HS3ST5: variants seen among roughly 807,000 people sequenced by gnomAD.
HS3ST5 encodes heparan sulfate-glucosamine 3-sulfotransferase 5, also known as heparan sulfate glucosamine 3-O-sulfotransferase 5.
In HS3ST5, 10 loss-of-function variants were observed where a neutral mutation model predicts 25.4. The observed-to-expected ratio is 0.39, with a 90% CI of 0.24 to 0.67. The LOEUF (loss-of-function observed/expected upper bound fraction) is 0.67, where lower values mean the gene tolerates loss of function less well. Ranked by LOEUF, HS3ST5 falls within the 30% of genes least tolerant of loss-of-function variation. HS3ST5 has a pLI of 0.44. For synonymous variants in HS3ST5, 170 were observed against 162.4 expected (o/e 1.05, Z -0.36); for missense variants, 324 against 420.7 (o/e 0.77, Z 2.01).
At chr6:114,242,915 G>A (rs1015342164) in intron 1 of HS3ST5, among the ~76,000 whole-genome samples, 2 of 151,834 alleles carry the variant, frequency 1.3e-5, no homozygotes, top group Non-Finnish European at 2.9e-5. Flanking sequence ...CTTTTCTTTG[G>A]ATTTGACCAT....
chr6:114,317,802 C>CGG (rs35127490), intron 1 of HS3ST5, among the ~76,000 whole-genome samples: 28 of 68,592 alleles, frequency 4.1e-4, no homozygotes, highest in South Asian at 2.0e-3. Context: ...AGGCGGGGGG[C>CGG]GGGGGGGTAG....
At chr6:114,070,278 TGAA>T (rs1170731769) in intron 3 of HS3ST5, among the ~76,000 whole-genome samples, 1 of 124,126 alleles carries the variant, frequency 8.1e-6, no homozygotes, top group Non-Finnish European at 1.7e-5. Flanking sequence ...GATGGGGAGA[TGAA>T]AAAAAAAAAA....
chr6:114,257,238 AAG>A (rs1286625459), intron 1 of HS3ST5, among the ~76,000 whole-genome samples: 1 of 152,224 alleles, frequency 6.6e-6, no homozygotes, highest in Non-Finnish European at 1.5e-5. Context: ...AGGCTAAGGA[AAG>A]AGGGGATGCA....
At chr6:114,265,041 A>C (rs2114681098) in intron 1 of HS3ST5, among the ~76,000 whole-genome samples, 1 of 152,014 alleles carries the variant, frequency 6.6e-6, no homozygotes, top group South Asian at 2.1e-4. Flanking sequence ...CACCACACCC[A>C]ACTAATTTTT....
intron 1 of HS3ST5, among the ~76,000 whole-genome samples, chr6:114,234,475 G>A (rs1005142517): frequency 1.3e-5 from 2 of 152,000 alleles, no homozygotes; most frequent in Non-Finnish European, 2.9e-5. Context: ...AGTGAATCAT[G>A]ATTTAATATT....
chr6:114,235,943 T>G (rs1319871846), intron 1 of HS3ST5, among the ~76,000 whole-genome samples: 1 of 152,184 alleles, frequency 6.6e-6, no homozygotes, highest in African/African-American at 2.4e-5. Flanking sequence ...TCAGGAGTGG[T>G]CCCCATTCAT....
At chr6:114,146,201 G>A (rs1003210976) in intron 3 of HS3ST5, among the ~76,000 whole-genome samples, 1 of 152,150 alleles carries the variant, frequency 6.6e-6, no homozygotes, top group Admixed American at 6.5e-5. Context: ...TTATCCTAAC[G>A]GCCAACCATA....
At chr6:114,322,592 A>G (rs1776011874) in intron 1 of HS3ST5, among the ~76,000 whole-genome samples, 1 of 152,176 alleles carries the variant, frequency 6.6e-6, no homozygotes, top group Admixed American at 6.6e-5. Context: ...TTTAAGCAAA[A>G]GTAATAAATG....
At chr6:114,177,597 G>A (rs1779783690) in intron 2 of HS3ST5, among the ~76,000 whole-genome samples, 1 of 152,038 alleles carries the variant, frequency 6.6e-6, no homozygotes, top group African/African-American at 2.4e-5. Flanking sequence ...GCACTTTATT[G>A]GTTTCACAAG....
intron 2 of HS3ST5, among the ~76,000 whole-genome samples, chr6:114,216,238 C>T (rs1430038191): frequency 6.6e-6 from 1 of 152,086 alleles, no homozygotes; most frequent in East Asian, 1.9e-4. Flanking sequence ...CTGGCTAGAC[C>T]CTGGAGTAAA....
intron 1 of HS3ST5, among the ~76,000 whole-genome samples, chr6:114,253,142 C>T (rs1424702287): frequency 3.3e-5 from 5 of 152,088 alleles, no homozygotes; most frequent in Non-Finnish European, 7.4e-5. Context: ...CTGCAGTGAG[C>T]TATTGTGGTG....
rs571134043 is a variant in HS3ST5, at chr6:114,135,261, A to G, written c.-33+33090T>C. On this transcript the variant is annotated intron_variant, in intron 3 of 4. Coordinates refer to ENST00000312719, the MANE Select transcript of HS3ST5 (RefSeq NM_153612.4). ...GATCATTCCTTCCATAATTCACAGC[A>G]CTATTGATTAGATTGTGACTGAGAT... 5.9e-5 allele frequency among the ~76,000 whole-genome samples: 9 copies of G among 152,248 alleles called. No individual in the cohort carries two copies. The South Asian group carries it at 1.9e-3, about 32-fold the overall frequency.
At chr6:114,202,259 A>C (rs566131781) in intron 2 of HS3ST5, among the ~76,000 whole-genome samples, 3 of 152,120 alleles carry the variant, frequency 2.0e-5, no homozygotes, top group Non-Finnish European at 4.4e-5. Flanking sequence ...CGTCTCTATA[A>C]AAAATTTTTA....
At chr6:114,293,579 A>T (rs1348959414) in intron 1 of HS3ST5, among the ~76,000 whole-genome samples, 1 of 152,230 alleles carries the variant, frequency 6.6e-6, no homozygotes, top group East Asian at 1.9e-4. Context: ...AGGGAAGTTC[A>T]TGGGGCAACT....
At chr6:114,173,988 A>G (rs1319014067) in intron 2 of HS3ST5, among the ~76,000 whole-genome samples, 1 of 152,098 alleles carries the variant, frequency 6.6e-6, no homozygotes, top group East Asian at 1.9e-4. Context: ...TAGGCACCTC[A>G]AGTCAACACT....
chr6:114,150,068 C>T lies in HS3ST5; in HGVS notation c.-33+18283G>A, dbSNP rs1206363348. On this transcript the variant is annotated intron_variant, in intron 3 of 4. Coordinates refer to ENST00000312719, the MANE Select transcript of HS3ST5 (RefSeq NM_153612.4). ...AATTTTAAATACAAGAATTTGTATT[C>T]TATAGGGAGTAGGAAATGACTATGT... 3.3e-5 allele frequency among the ~76,000 whole-genome samples: 5 copies of T among 152,142 alleles called. No homozygotes were observed. The East Asian group carries it at 9.6e-4, about 29-fold the overall frequency.
intron 1 of HS3ST5, among the ~76,000 whole-genome samples, chr6:114,295,597 T>C (rs1466841247): frequency 1.3e-5 from 2 of 152,226 alleles, no homozygotes; most frequent in African/African-American, 4.8e-5. Context: ...TAAGGTCATC[T>C]TTAGCCTGTG....
intron 1 of HS3ST5, among the ~76,000 whole-genome samples, chr6:114,247,925 C>T (rs570409624): frequency 4.5e-4 from 69 of 151,724 alleles, no homozygotes; most frequent in South Asian, 1.0e-3. Context: ...ATAAGCCAGG[C>T]GCAGTGGCTC....
At chr6:114,241,009 T>C (rs908308119) in intron 1 of HS3ST5, among the ~76,000 whole-genome samples, 1 of 151,472 alleles carries the variant, frequency 6.6e-6, no homozygotes, top group Admixed American at 6.6e-5. Context: ...AATGACTCAC[T>C]AATGAAAAGG....
Sources: allele counts gnomAD v4.1 joint callset (sites outside exome capture counted in the v4.1 genomes callset), GRCh38; gene constraint gnomAD v4.1.1; transcripts MANE v1.5; gene names NCBI Gene and HGNC (gene_info 2026-07-23, HGNC 2026-07-21).